CORIN: variants seen among roughly 807,000 people sequenced by gnomAD.
CORIN encodes atrial natriuretic peptide-converting enzyme.
Under a neutral mutation model 125.3 loss-of-function variants are expected in CORIN, and 117 were observed. The ratio of observed to expected loss-of-function variants is 0.93; its 90% confidence interval spans 0.80 to 1.09. CORIN has a LOEUF of 1.09. CORIN is among the 50% of genes least tolerant of loss of function. The probability of loss-of-function intolerance (pLI) is 0.00; values close to 1 mark genes in which losing one functional copy is unlikely to be tolerated. For missense variants in CORIN, 1,253 were observed against 1,306.7 expected (o/e 0.96, Z 0.63); for synonymous variants, 450 against 466.4 (o/e 0.96, Z 0.45).
At chr4:47,621,776 T>A (rs1406404220) in intron 19 of CORIN, among the ~76,000 whole-genome samples, 8 of 152,142 alleles carry the variant, frequency 5.3e-5, no homozygotes. Flanking sequence ...AGATTAATAT[T>A]TAAATCAGCG....
intron 1 of CORIN, among the ~76,000 whole-genome samples, chr4:47,807,873 A>G (rs1731863128): frequency 6.6e-6 from 1 of 152,234 alleles, no homozygotes; most frequent in Non-Finnish European, 1.5e-5. Flanking sequence ...AATAACTACA[A>G]GAAACTCTCC....
intron 16 of CORIN, among the ~76,000 whole-genome samples, chr4:47,632,725 TGATAGATA>T (rs1553905875): frequency 3.2e-4 from 40 of 126,658 alleles, no homozygotes; most frequent in Non-Finnish European, 5.4e-4. Context: ...TGACAATAGA[TGATAGATA>T]GATAGATAGA....
At chr4:47,604,007 A>G (rs1380902884) in intron 19 of CORIN, among the ~76,000 whole-genome samples, 6 of 152,198 alleles carry the variant, frequency 3.9e-5, no homozygotes, top group African/African-American at 1.4e-4. Context: ...AAAAGTGAAA[A>G]AGAAGAGGAA....
chr4:47,807,495 C>T (rs560800322), intron 1 of CORIN, among the ~76,000 whole-genome samples: 24 of 152,216 alleles, frequency 1.6e-4, no homozygotes, highest in Middle Eastern at 3.4e-3. Flanking sequence ...TTAGTCTAAA[C>T]CAAATGTGAA....
chr4:47,694,779 G>A (rs1304478954), intron 5 of CORIN, among the ~76,000 whole-genome samples: 1 of 152,086 alleles, frequency 6.6e-6, no homozygotes, highest in Non-Finnish European at 1.5e-5. Context: ...CCAGTGGCTG[G>A]CACTCAGGAG....
chr4:47,784,904 G>C (rs1047607671), intron 3 of CORIN, among the ~76,000 whole-genome samples: 1 of 152,218 alleles, frequency 6.6e-6, no homozygotes, highest in African/African-American at 2.4e-5. Flanking sequence ...CTGTGAAACA[G>C]TGGAATCCAA....
intron 3 of CORIN, among the ~76,000 whole-genome samples, chr4:47,771,068 A>C (rs1281764404): frequency 6.6e-6 from 1 of 152,164 alleles, no homozygotes; most frequent in Non-Finnish European, 1.5e-5. Flanking sequence ...TTAAAAAATA[A>C]AAACAGATCC....
At chr4:47,798,820 C>A (rs61756975) in intron 2 of CORIN, among the ~76,000 whole-genome samples, 1 of 151,974 alleles carries the variant, frequency 6.6e-6, no homozygotes, top group Non-Finnish European at 1.5e-5. Context: ...TAGTAGCCAA[C>A]AGTTTTTCAA....
At chr4:47,615,971 T>C (rs1722054882) in intron 19 of CORIN, among the ~76,000 whole-genome samples, 1 of 152,128 alleles carries the variant, frequency 6.6e-6, no homozygotes, top group Non-Finnish European at 1.5e-5. Flanking sequence ...GACTCCTAGG[T>C]TTGGTATATT....
intron 5 of CORIN, among the ~76,000 whole-genome samples, chr4:47,711,135 C>T (rs1726820582): frequency 1.3e-5 from 2 of 152,162 alleles, no homozygotes; most frequent in Non-Finnish European, 2.9e-5. Context: ...CCCAGTACCC[C>T]TCAAACCTGA....
At chr4:47,778,185 A>G (rs1730383446) in intron 3 of CORIN, among the ~76,000 whole-genome samples, 1 of 152,200 alleles carries the variant, frequency 6.6e-6, no homozygotes, top group Admixed American at 6.5e-5. Context: ...GTGATAATGA[A>G]GCTGGAGAGA....
intron 5 of CORIN, among the ~76,000 whole-genome samples, chr4:47,700,897 T>C (rs1726260210): frequency 6.6e-6 from 1 of 152,234 alleles, no homozygotes; most frequent in Non-Finnish European, 1.5e-5. Flanking sequence ...CCCTCCTCAA[T>C]GCTGCTTTCC....
intron 19 of CORIN, among the ~76,000 whole-genome samples, chr4:47,608,235 C>T (rs1039261112): frequency 6.6e-6 from 1 of 151,992 alleles, no homozygotes; most frequent in Non-Finnish European, 1.5e-5. Flanking sequence ...GCATAAGAAT[C>T]GCTTGAACCT....
At position 47,600,270 on chromosome 4, in the gene CORIN, T is replaced by C. The variant is rs776237996; in HGVS notation, c.2890A>G (p.Ile964Val). 6.2e-7 allele frequency: 1 copy of C among 1,613,974 alleles called. No individual in the cohort carries two copies. The highest frequency in any genetic ancestry group is 1.1e-5 in the South Asian group (1 of 91,050). Residue 964 changes from isoleucine (I) to valine (V), a missense_variant, in exon 21 of 22, where the codon ATC (isoleucine) becomes GTC (valine). Ile to Val is a conservative substitution (Grantham distance 29). Coordinates refer to ENST00000273857, the MANE Select transcript of CORIN (RefSeq NM_006587.4). Reference sequence around the variant, plus strand: ...CCAGCACATATCATCCGAGTGGTGATGGTCTTCATGTCAAAGTAGGACTGA... The same window carrying C: ...CCAGCACATATCATCCGAGTGGTGACGGTCTTCATGTCAAAGTAGGACTGA... ...HCQSYFDMKT[I>V]TTRMICAGYE...
chr4:47,806,807 A>G, intron 2 of CORIN, 96 bp downstream of exon 2: 1 of 1,294,056 alleles, frequency 7.7e-7, no homozygotes, highest in South Asian at 1.7e-5. Context: ...ATTGACTGAC[A>G]CTTTGGGTTA....
chr4:47,820,519 G>C (rs999312696), intron 1 of CORIN, among the ~76,000 whole-genome samples: 1 of 152,086 alleles, frequency 6.6e-6, no homozygotes, highest in African/African-American at 2.4e-5. Context: ...GCTCTTATGA[G>C]AAATGAAAAA....
At chr4:47,739,189 C>T in intron 5 of CORIN, among the ~76,000 whole-genome samples, 1 of 151,938 alleles carries the variant, frequency 6.6e-6, no homozygotes, top group East Asian at 1.9e-4. Flanking sequence ...AAACATACAT[C>T]TGCATAACAA....
At chr4:47,674,282 T>C (rs1427807559) in intron 10 of CORIN, 111 bp downstream of exon 10, 4 of 756,200 alleles carry the variant, frequency 5.3e-6, no homozygotes, top group South Asian at 3.4e-5. Context: ...AGAAAATAGG[T>C]AGGCTTTTTT....
At chr4:47,716,125 T>C (rs1325608757) in intron 5 of CORIN, among the ~76,000 whole-genome samples, 2 of 152,216 alleles carry the variant, frequency 1.3e-5, no homozygotes, top group African/African-American at 4.8e-5. Flanking sequence ...TTGTTTACTT[T>C]TGAACATCTA....
Sources: allele counts gnomAD v4.1 joint callset (sites outside exome capture counted in the v4.1 genomes callset), GRCh38; gene constraint gnomAD v4.1.1; transcripts MANE v1.5; gene names NCBI Gene and HGNC (gene_info 2026-07-23, HGNC 2026-07-21).